P2RY6: variants seen among roughly 807,000 people sequenced by gnomAD.
P2RY6 encodes P2Y purinoceptor 6.
In P2RY6, 19 loss-of-function variants were observed where a neutral mutation model predicts 16.3. The observed-to-expected ratio is 1.16, with a 90% confidence interval of 0.81 to 1.71. The LOEUF is 1.71. Ranked by LOEUF, P2RY6 falls within the 40% of genes most tolerant of loss-of-function variation. The pLI, the probability that P2RY6 is intolerant of heterozygous loss-of-function variation, is 0.00. For synonymous variants in P2RY6, 184 were observed against 201.5 expected (o/e 0.91, Z 0.74); for missense variants, 389 against 455.5 (o/e 0.85, Z 1.33).
At chr11:73,289,770 A>G (rs1324883235) in intron 1 of P2RY6, among the ~76,000 whole-genome samples, 1 of 152,230 alleles carries the variant, frequency 6.6e-6, no homozygotes, top group Non-Finnish European at 1.5e-5. Flanking sequence ...AGGGTCAAGA[A>G]GAACATGTTG....
chr11:73,266,306 A>C (rs1338939147), intron 1 of P2RY6, among the ~76,000 whole-genome samples: 1 of 152,130 alleles, frequency 6.6e-6, no homozygotes, highest in Non-Finnish European at 1.5e-5. Context: ...TGGGGGAGAA[A>C]TGCAGGGGCA....
intron 1 of P2RY6, among the ~76,000 whole-genome samples, chr11:73,274,898 GC>G (rs1863471818): frequency 6.6e-6 from 1 of 152,230 alleles, no homozygotes; most frequent in Non-Finnish European, 1.5e-5. Flanking sequence ...TCTATTTCAG[GC>G]TGGGGTGGGG....
intron 1 of P2RY6, among the ~76,000 whole-genome samples, chr11:73,266,666 G>A (rs998809569): frequency 9.2e-5 from 14 of 152,218 alleles, no homozygotes; most frequent in African/African-American, 2.7e-4. Flanking sequence ...GGAGTTGCCC[G>A]GAGGCCTTGG....
intron 1 of P2RY6, among the ~76,000 whole-genome samples, chr11:73,290,884 C>G (rs1402458723): frequency 6.6e-6 from 1 of 152,252 alleles, no homozygotes; most frequent in Non-Finnish European, 1.5e-5. Context: ...ATTCAGTCAT[C>G]CTTAGATTCT....
upstream of P2RY6, among the ~76,000 whole-genome samples, chr11:73,268,759 C>T (rs1183347493): frequency 2.0e-5 from 3 of 152,226 alleles, no homozygotes; most frequent in African/African-American, 7.2e-5. Flanking sequence ...CGGACCAGGG[C>T]TAGGCAGCCT....
chr11:73,293,229 T>C (rs1252564764), intron 1 of P2RY6, among the ~76,000 whole-genome samples: 1 of 151,786 alleles, frequency 6.6e-6, no homozygotes, highest in East Asian at 1.9e-4. Context: ...GGATTCTGGC[T>C]CTCTGGCTGC....
At chr11:73,278,557 C>T (rs1237745881) in intron 1 of P2RY6, among the ~76,000 whole-genome samples, 1 of 152,176 alleles carries the variant, frequency 6.6e-6, no homozygotes. Flanking sequence ...GCAACCCCCA[C>T]TCTACTTTCT....
At chr11:73,272,978 A>G (rs868759264) in intron 1 of P2RY6, among the ~76,000 whole-genome samples, 15 of 152,010 alleles carry the variant, frequency 9.9e-5, no homozygotes, top group African/African-American at 3.4e-4. Context: ...AATGAGTAGG[A>G]AGGATTAGTG....
Position 73,296,702 on chromosome 11 carries a change from GC to G in P2RY6, c.186del (p.Val63CysfsTer4). On this transcript the variant is annotated frameshift_variant, in exon 3 of 3. Transcript: ENST00000540124. LOFTEE classifies it high-confidence loss of function. ...GTCCCGCCGGGCCCTGACCCGCACGGCCGTGTACACCCTAAACCTTGCTCTG... is the reference window on the plus strand; with the variant it reads ...GTCCCGCCGGGCCCTGACCCGCACGGCGTGTACACCCTAAACCTTGCTCTG... Reference protein sequence around the residue: ...CTSRRALTRTAVYTLNLALAD... With the variant: ...CTSRRALTRTXVYTLNLALAD... 6.2e-7 allele frequency: 1 copy of G among 1,613,948 alleles called. No individual in the cohort carries two copies. Among genetic ancestry groups the G allele is most frequent in the Non-Finnish European group, 8.5e-7 (1 of 1,180,008 alleles).
chr11:73,280,237 C>T (rs1281101220), intron 1 of P2RY6, among the ~76,000 whole-genome samples: 2 of 152,138 alleles, frequency 1.3e-5, no homozygotes, highest in South Asian at 2.1e-4. Context: ...CCTGTGCTAC[C>T]TTGAGCTAAT....
Position 73,296,915 on chromosome 11 carries a change from GC to G in P2RY6, c.402del (p.Trp135GlyfsTer12). On this transcript the variant is annotated frameshift_variant, in exon 3 of 3. Coordinates refer to ENST00000540124, the MANE Select transcript of P2RY6 (RefSeq NM_001277204.2). LOFTEE classifies it high-confidence loss of function. ...CTACCTGGGCATCTGCCACCCGCTG[GC>G]CCCCTGGCACAAACGTGGGGGCCGC... is the stretch of plus-strand genomic sequence containing the variant. The part of the protein sequence containing the change: ...QRYLGICHPL[A>X]PWHKRGGRRA... 4 of 1,608,986 alleles carry G rather than the reference GC, an allele frequency of 2.5e-6. No homozygotes were observed.
intron 1 of P2RY6, among the ~76,000 whole-genome samples, chr11:73,292,612 TC>T (rs1864302586): frequency 6.6e-6 from 1 of 152,090 alleles, no homozygotes; most frequent in South Asian, 2.1e-4. Flanking sequence ...TCTGCCCCCA[TC>T]CCCCTCTTTC....
At chr11:73,286,175 G>T (rs1863964511) in intron 1 of P2RY6, among the ~76,000 whole-genome samples, 1 of 152,156 alleles carries the variant, frequency 6.6e-6, no homozygotes, top group African/African-American at 2.4e-5. Flanking sequence ...TAGCCCTGAG[G>T]GTCCAGAACT....
At chr11:73,274,107 T>G (rs1174550067) in intron 1 of P2RY6, among the ~76,000 whole-genome samples, 1 of 152,202 alleles carries the variant, frequency 6.6e-6, no homozygotes, top group Admixed American at 6.5e-5. Flanking sequence ...CCCAATGCCC[T>G]CCAGAGATGG....
rs768010832 is a variant in P2RY6, at chr11:73,296,910, C to CG, written c.393dup (p.Leu132AlafsTer42). Reference sequence around the variant, plus strand: ...CAGCGCTACCTGGGCATCTGCCACCCGCTGGCCCCCTGGCACAAACGTGGG... The same window carrying CG: ...CAGCGCTACCTGGGCATCTGCCACCCGGCTGGCCCCCTGGCACAAACGTGGG... On this transcript the variant is annotated frameshift_variant, in exon 3 of 3. Transcript: ENST00000540124. LOFTEE classifies it high-confidence loss of function. The CG allele has an allele frequency of 6.2e-7, 1 of 1,609,322 alleles. No homozygotes were observed. Among genetic ancestry groups the CG allele is most frequent in the Non-Finnish European group, 8.5e-7 (1 of 1,180,026 alleles).
At chr11:73,292,696 C>T (rs1192644157) in intron 1 of P2RY6, 3 of 590,070 alleles carry the variant, frequency 5.1e-6, no homozygotes, top group Non-Finnish European at 4.3e-6. Flanking sequence ...AGCCCAGTTT[C>T]CGCCAGGCAC....
Position 73,297,649 on chromosome 11 carries a change from C to A in P2RY6, c.*144C>A. 1.5e-6 allele frequency: 1 copy of A among 675,426 alleles called. No homozygotes were observed. The highest frequency in any genetic ancestry group is 2.5e-6 in the Non-Finnish European group (1 of 392,746). The allele number at this position is 675,426 out of a possible 1,614,324, so 41.8% of individuals were successfully genotyped here. On this transcript the variant is annotated 3_prime_UTR_variant, in exon 3 of 3. Coordinates refer to ENST00000540124, the MANE Select transcript of P2RY6 (RefSeq NM_001277204.2). ...TCCCTCACAGGACCCAGAAGCTCAC[C>A]AAAAACTATTTCTTCAGCCCCTTCT...
At chr11:73,294,189 C>G (rs150098599) in intron 1 of P2RY6, among the ~76,000 whole-genome samples, 1 of 152,306 alleles carries the variant, frequency 6.6e-6, no homozygotes, top group African/African-American at 2.4e-5. Flanking sequence ...CTTTTCCACT[C>G]ATGGAAATCC....
At chr11:73,274,721 C>T (rs548955047) in intron 1 of P2RY6, among the ~76,000 whole-genome samples, 1 of 152,306 alleles carries the variant, frequency 6.6e-6, no homozygotes, top group South Asian at 2.1e-4. Context: ...CTGAACCTAG[C>T]TTTCCTGGTT....
Sources: allele counts gnomAD v4.1 joint callset (sites outside exome capture counted in the v4.1 genomes callset), GRCh38; gene constraint gnomAD v4.1.1; transcripts MANE v1.5; gene names NCBI Gene and HGNC (gene_info 2026-07-23, HGNC 2026-07-21).